Variants in SHQ1 observed in about 807,000 individuals in gnomAD.
SHQ1 encodes protein SHQ1 homolog.
Under a neutral mutation model 53.8 loss-of-function variants are expected in SHQ1, and 49 were observed. The observed-to-expected ratio is 0.91, with a 90% CI of 0.72 to 1.16. The LOEUF (loss-of-function observed/expected upper bound fraction) is 1.16. Among genes scored for constraint, SHQ1 ranks in the 50% most tolerant of loss-of-function variants. SHQ1 has a pLI of 0.00. For synonymous variants in SHQ1, 243 were observed against 251.0 expected (o/e 0.97, Z 0.30); for missense variants, 738 against 683.1 (o/e 1.08, Z -0.90).
intron 6 of SHQ1, among the ~76,000 whole-genome samples, chr3:72,822,179 T>C (rs998000412): frequency 2.0e-5 from 3 of 152,312 alleles, no homozygotes; most frequent in East Asian, 1.9e-4. Context: ...CTACATTTAG[T>C]TTATATCTTA....
At chr3:72,726,176 C>G in the SHQ1 span, among the ~76,000 whole-genome samples, 2 of 152,186 alleles carry the variant, frequency 1.3e-5, no homozygotes, top group Non-Finnish European at 2.9e-5. Context: ...AGTGAAGTCA[C>G]TGTTCCAAGG....
chr3:72,813,532 G>A lies in SHQ1; in HGVS notation c.937-738C>T, dbSNP rs145377637. Among the ~76,000 whole-genome samples the A allele has an allele frequency of 6.6e-3, 978 of 148,940 alleles. 9 individuals carry two copies. The highest frequency in any genetic ancestry group is 0.023 in the African/African-American group (940 of 40,438). On this transcript the variant is annotated intron_variant, in intron 8 of 10. Coordinates refer to ENST00000325599, the MANE Select transcript of SHQ1 (RefSeq NM_018130.3). ...TGTGATCTCAGCACTTTGGGAGGCC[G>A]ACGGGCGGACCACAAGGCCAGGAGA...
intron 10 of SHQ1, among the ~76,000 whole-genome samples, chr3:72,788,742 C>G (rs2106782681): frequency 6.6e-6 from 1 of 152,306 alleles, no homozygotes; most frequent in East Asian, 1.9e-4. Context: ...AAGAAAAATT[C>G]TTCTGCCTTG....
intron 4 of SHQ1, among the ~76,000 whole-genome samples, chr3:72,836,130 C>T (rs1707983488): frequency 6.6e-6 from 1 of 152,144 alleles, no homozygotes; most frequent in Non-Finnish European, 1.5e-5. Context: ...AGTGGAAATC[C>T]AGTAATAAAC....
At chr3:72,816,766 T>C (rs1707333488) in intron 7 of SHQ1, among the ~76,000 whole-genome samples, 1 of 152,232 alleles carries the variant, frequency 6.6e-6, no homozygotes, top group African/African-American at 2.4e-5. Context: ...ACATACTCTA[T>C]GAATTGAGGG....
At chr3:72,815,573 G>C (rs1358814521) in intron 7 of SHQ1, among the ~76,000 whole-genome samples, 170 bp from the exon 8 acceptor site, 1 of 152,188 alleles carries the variant, frequency 6.6e-6, no homozygotes, top group Non-Finnish European at 1.5e-5. Flanking sequence ...GAGACTACCA[G>C]TGGGAAGTTT....
At chr3:72,760,999 G>A (rs1400027030) in intron 10 of SHQ1, among the ~76,000 whole-genome samples, 4 of 152,074 alleles carry the variant, frequency 2.6e-5, no homozygotes, top group Admixed American at 2.0e-4. Flanking sequence ...CTCTCAAGAC[G>A]ATTCCAACGA....
At chr3:72,820,056 A>C (rs1707431265) in intron 6 of SHQ1, among the ~76,000 whole-genome samples, 2 of 152,352 alleles carry the variant, frequency 1.3e-5, no homozygotes, top group African/African-American at 4.8e-5. Context: ...TTTATATCCT[A>C]GTTGACTAAT....
chr3:72,827,527 C>T (rs1202382031), intron 5 of SHQ1, among the ~76,000 whole-genome samples: 1 of 151,894 alleles, frequency 6.6e-6, no homozygotes, highest in Non-Finnish European at 1.5e-5. Flanking sequence ...TTTCTACCAC[C>T]TCCATCCCCC....
chr3:72,738,216 A>G, the SHQ1 span, among the ~76,000 whole-genome samples: 1 of 152,156 alleles, frequency 6.6e-6, no homozygotes, highest in Non-Finnish European at 1.5e-5. Flanking sequence ...CCTGTGCCCA[A>G]CCTGGGAAAA....
chr3:72,821,471 C>T (rs943204069), intron 6 of SHQ1, among the ~76,000 whole-genome samples: 1 of 152,102 alleles, frequency 6.6e-6, no homozygotes, highest in Non-Finnish European at 1.5e-5. Context: ...GAAAAGTCTC[C>T]CTGTTGTAAC....
At chr3:72,767,480 G>C (rs369034264) in intron 10 of SHQ1, among the ~76,000 whole-genome samples, 1 of 152,190 alleles carries the variant, frequency 6.6e-6, no homozygotes, top group Non-Finnish European at 1.5e-5. Context: ...TTGACAAAAC[G>C]TTTATGCAAA....
At chr3:72,747,945 T>A (rs1705284134), downstream of SHQ1, among the ~76,000 whole-genome samples, 4 of 151,244 alleles carry the variant, frequency 2.6e-5, no homozygotes, top group South Asian at 8.4e-4. Flanking sequence ...GCTGAGATCA[T>A]ATCACTGCAC....
At chr3:72,782,428 G>A (rs1399880966) in intron 10 of SHQ1, among the ~76,000 whole-genome samples, 1 of 152,138 alleles carries the variant, frequency 6.6e-6, no homozygotes, top group South Asian at 2.1e-4. Context: ...TATACCTCAA[G>A]AAGGTCCTTT....
the SHQ1 span, among the ~76,000 whole-genome samples, chr3:72,738,275 C>T: frequency 5.3e-5 from 8 of 152,256 alleles, no homozygotes; most frequent in Middle Eastern, 3.4e-3. Context: ...CACTTGCCTG[C>T]CCCTGCTGAA....
At chr3:72,827,243 C>T (rs1707688640) in intron 5 of SHQ1, among the ~76,000 whole-genome samples, 1 of 151,906 alleles carries the variant, frequency 6.6e-6, no homozygotes, top group Admixed American at 6.6e-5. Flanking sequence ...TATGACATGC[C>T]TTTTTTTAGG....
At chr3:72,762,094 C>A (rs1705622858) in intron 10 of SHQ1, among the ~76,000 whole-genome samples, 1 of 152,140 alleles carries the variant, frequency 6.6e-6, no homozygotes, top group Admixed American at 6.5e-5. Flanking sequence ...TACATACATA[C>A]ATGTGCACAC....
At chr3:72,732,171 C>A in the SHQ1 span, among the ~76,000 whole-genome samples, 3 of 151,552 alleles carry the variant, frequency 2.0e-5, no homozygotes, top group African/African-American at 7.3e-5. Flanking sequence ...AATTAAGGCT[C>A]AGGGCAGCCA....
intron 10 of SHQ1, among the ~76,000 whole-genome samples, chr3:72,777,863 C>T (rs964317118): frequency 1.3e-5 from 2 of 152,160 alleles, no homozygotes; most frequent in Non-Finnish European, 1.5e-5. Flanking sequence ...TGGGATAGTA[C>T]ACTGCAGGAC....
Sources: allele counts gnomAD v4.1 joint callset (sites outside exome capture counted in the v4.1 genomes callset), GRCh38; gene constraint gnomAD v4.1.1; transcripts MANE v1.5; gene names NCBI Gene and HGNC (gene_info 2026-07-23, HGNC 2026-07-21).